The following MAGI1 variants were observed in gnomAD, a reference collection of about 807,000 sequenced individuals.
MAGI1 encodes the protein membrane-associated guanylate kinase, WW and PDZ domain-containing protein 1.
MAGI1 carries 58 observed loss-of-function variants against 139.9 expected under a neutral mutation model. The observed-to-expected ratio is 0.41, with a 90% confidence interval of 0.34 to 0.52. The LOEUF is 0.52. Among genes scored for constraint, MAGI1 ranks in the 20% least tolerant of loss-of-function variants. The pLI, the probability that MAGI1 is intolerant of heterozygous loss-of-function variation, is 0.12. For synonymous variants in MAGI1, 812 were observed against 737.9 expected (o/e 1.10, Z -1.63); for missense variants, 1,874 against 1,901.6 (o/e 0.99, Z 0.27).
chr3:65,702,291 C>T (rs1390821059), intron 1 of MAGI1, among the ~76,000 whole-genome samples: 1 of 152,182 alleles, frequency 6.6e-6, no homozygotes, highest in Non-Finnish European at 1.5e-5. Flanking sequence ...AACGCACAAA[C>T]ACAACAAACC....
At chr3:65,366,073 T>C (rs546328536) in intron 18 of MAGI1, among the ~76,000 whole-genome samples, 13 of 152,274 alleles carry the variant, frequency 8.5e-5, no homozygotes, top group Admixed American at 7.8e-4. Flanking sequence ...TCAAATCACC[T>C]TTTTTTCCTA....
chr3:65,516,175 CCTCTCTCT>C (rs994558203), intron 2 of MAGI1, among the ~76,000 whole-genome samples: 1 of 150,484 alleles, frequency 6.6e-6, no homozygotes, highest in Non-Finnish European at 1.5e-5. Flanking sequence ...ACCCTGTCTC[CCTCTCTCT>C]CTCTCTCTTT....
At chr3:65,768,091 C>T (rs998463093) in intron 1 of MAGI1, among the ~76,000 whole-genome samples, 1 of 152,166 alleles carries the variant, frequency 6.6e-6, no homozygotes, top group Non-Finnish European at 1.5e-5. Flanking sequence ...GCATTCTATT[C>T]CTACTGGCAA....
At chr3:65,962,744 G>T (rs747096815) in intron 1 of MAGI1, among the ~76,000 whole-genome samples, 1 of 147,252 alleles carries the variant, frequency 6.8e-6, no homozygotes, top group Non-Finnish European at 1.5e-5. Flanking sequence ...AGAAACACTT[G>T]AACATGGGAG....
intron 1 of MAGI1, among the ~76,000 whole-genome samples, chr3:65,851,630 T>C (rs1349025482): frequency 2.6e-5 from 4 of 152,032 alleles, no homozygotes; most frequent in African/African-American, 9.7e-5. Context: ...ACACCTGTCA[T>C]CCCAGCTACT....
intron 1 of MAGI1, among the ~76,000 whole-genome samples, chr3:65,853,529 T>C (rs1395419797): frequency 2.6e-5 from 4 of 152,258 alleles, no homozygotes; most frequent in South Asian, 2.1e-4. Flanking sequence ...TGCTGGGAAG[T>C]TGGAATGTAT....
At chr3:65,576,951 C>T (rs1429171347) in intron 2 of MAGI1, among the ~76,000 whole-genome samples, 2 of 152,174 alleles carry the variant, frequency 1.3e-5, no homozygotes, top group Non-Finnish European at 2.9e-5. Flanking sequence ...TTATATAACC[C>T]TAGTGCCTAG....
At chr3:65,736,676 A>G (rs895337156) in intron 1 of MAGI1, among the ~76,000 whole-genome samples, 2 of 152,142 alleles carry the variant, frequency 1.3e-5, no homozygotes, top group African/African-American at 4.8e-5. Context: ...GCTCAAGAAG[A>G]GAGAACAAGT....
intron 1 of MAGI1, among the ~76,000 whole-genome samples, chr3:65,880,952 T>A (rs1436831716): frequency 1.3e-5 from 2 of 151,388 alleles, no homozygotes; most frequent in African/African-American, 4.9e-5. Context: ...AGGGTCTCCC[T>A]CTGTCACCCA....
At chr3:65,815,891 T>C (rs899411943) in intron 1 of MAGI1, among the ~76,000 whole-genome samples, 11 of 152,286 alleles carry the variant, frequency 7.2e-5, no homozygotes, top group Admixed American at 5.9e-4. Context: ...GAGGCAGAAC[T>C]GACTCCCCAA....
intron 1 of MAGI1, among the ~76,000 whole-genome samples, chr3:65,869,651 C>T (rs573504472): frequency 2.6e-5 from 4 of 152,130 alleles, no homozygotes; most frequent in African/African-American, 9.6e-5. Context: ...CCGCCCACCT[C>T]GGCCTCCCAA....
chr3:65,560,840 T>C (rs1196255890), intron 2 of MAGI1, among the ~76,000 whole-genome samples: 1 of 152,210 alleles, frequency 6.6e-6, no homozygotes, highest in Non-Finnish European at 1.5e-5. Flanking sequence ...GACTGCTCAG[T>C]GATTAGTCCA....
At chr3:65,713,284 C>T (rs182449129) in intron 1 of MAGI1, among the ~76,000 whole-genome samples, 8 of 152,208 alleles carry the variant, frequency 5.3e-5, no homozygotes, top group Admixed American at 5.2e-4. Flanking sequence ...TGGAAACTAG[C>T]CCGGGAAGAA....
intron 1 of MAGI1, among the ~76,000 whole-genome samples, chr3:65,910,105 C>A (rs186748133): frequency 6.6e-6 from 1 of 152,286 alleles, no homozygotes; most frequent in African/African-American, 2.4e-5. Flanking sequence ...CCTAACAGGC[C>A]ACAGACCAGC....
chr3:65,602,470 T>C (rs1213610263), intron 2 of MAGI1, among the ~76,000 whole-genome samples: 1 of 150,940 alleles, frequency 6.6e-6, no homozygotes, highest in Admixed American at 6.6e-5. Flanking sequence ...TCCATTTATA[T>C]GAAATCTACA....
chr3:65,360,344 G>C, intron 22 of MAGI1: 2 of 973,370 alleles, frequency 2.1e-6, no homozygotes, highest in Non-Finnish European at 2.4e-6. Flanking sequence ...CTAGGGCATA[G>C]CTTCTTCTTT....
At chr3:65,570,098 ATTATTATTAT>A in intron 2 of MAGI1, among the ~76,000 whole-genome samples, 1 of 146,086 alleles carries the variant, frequency 6.8e-6, no homozygotes, top group South Asian at 2.2e-4. Context: ...TATTATTATT[ATTATTATTAT>A]TATTATTATT....
At chr3:65,588,009 G>A (rs1001639680) in intron 2 of MAGI1, among the ~76,000 whole-genome samples, 5 of 152,106 alleles carry the variant, frequency 3.3e-5, no homozygotes, top group Admixed American at 6.5e-5. Flanking sequence ...CTTTTCCCAA[G>A]GCTCTAGAGC....
At chr3:65,449,067 T>A (rs1948854726) in intron 6 of MAGI1, among the ~76,000 whole-genome samples, 1 of 141,316 alleles carries the variant, frequency 7.1e-6, no homozygotes, top group Non-Finnish European at 1.5e-5. Flanking sequence ...AATCAATCAA[T>A]GATTGACTTA....
Sources: allele counts gnomAD v4.1 joint callset (sites outside exome capture counted in the v4.1 genomes callset), GRCh38; gene constraint gnomAD v4.1.1; transcripts MANE v1.5; gene names NCBI Gene and HGNC (gene_info 2026-07-23, HGNC 2026-07-21).